The following SLC16A7 variants were observed in gnomAD, a reference collection of about 807,000 sequenced individuals.
SLC16A7 encodes the protein monocarboxylate transporter 2.
SLC16A7 carries 33 observed loss-of-function variants against 34.9 expected under a neutral mutation model. The ratio of observed to expected loss-of-function variants is 0.94; its 90% CI spans 0.72 to 1.26. The LOEUF is 1.26. SLC16A7 is among the 50% of genes most tolerant of loss of function. The pLI, the probability that SLC16A7 is intolerant of heterozygous loss-of-function variation, is 0.00. For missense variants in SLC16A7, 573 were observed against 578.1 expected (o/e 0.99, Z 0.09); for synonymous variants, 201 against 206.6 (o/e 0.97, Z 0.23).
intron 1 of SLC16A7, among the ~76,000 whole-genome samples, chr12:59,639,483 A>G (rs549006762): frequency 1.1e-3 from 161 of 152,242 alleles, no homozygotes; most frequent in African/African-American, 3.3e-3. Context: ...CTCCGGGCTC[A>G]AGCTATCCTC....
rs554805401 is a variant in SLC16A7 at position 59,781,868 on chromosome 12, C to T, written c.*2189C>T. ...TCAGATACCAGGGGGAAATAAATGG[C>T]AAAGTAATAATCATGAGGTTTTAGG... On this transcript the variant is annotated 3_prime_UTR_variant, in exon 6 of 6. Coordinates refer to ENST00000547379, the MANE Select transcript of SLC16A7 (RefSeq NM_001270623.2). 3.3e-5 allele frequency: 5 copies of T among 152,178 alleles called. No individual in the cohort carries two copies. Among genetic ancestry groups the T allele is most frequent in the African/African-American group, 1.2e-4 (5 of 41,538 alleles). The allele number at this position is 152,178 out of a possible 1,614,324, so 9.4% of individuals were successfully genotyped here.
At chr12:59,769,972 A>T (rs1401906441) in intron 3 of SLC16A7, among the ~76,000 whole-genome samples, 2 of 152,098 alleles carry the variant, frequency 1.3e-5, no homozygotes, top group Non-Finnish European at 2.9e-5. Context: ...CAAGTCCCAT[A>T]AAGTACTATG....
At chr12:59,690,454 A>C (rs895488515) in intron 2 of SLC16A7, among the ~76,000 whole-genome samples, 3 of 152,086 alleles carry the variant, frequency 2.0e-5, no homozygotes, top group African/African-American at 7.2e-5. Context: ...TGAGATACCC[A>C]GAAAAATGAG....
At chr12:59,597,973 C>T (rs1339313026) in intron 1 of SLC16A7, among the ~76,000 whole-genome samples, 1 of 152,184 alleles carries the variant, frequency 6.6e-6, no homozygotes, top group Non-Finnish European at 1.5e-5. Flanking sequence ...TATTTCTAGA[C>T]ATTCATTTGC....
intron 2 of SLC16A7, among the ~76,000 whole-genome samples, chr12:59,669,781 A>C (rs1869521806): frequency 1.3e-5 from 2 of 152,308 alleles, no homozygotes; most frequent in South Asian, 4.1e-4. Context: ...TCTCAGCAGC[A>C]CAGTTAACTT....
At chr12:59,716,483 AT>A (rs1874918681) in intron 3 of SLC16A7, among the ~76,000 whole-genome samples, 1 of 152,190 alleles carries the variant, frequency 6.6e-6, no homozygotes, top group Admixed American at 6.5e-5. Context: ...GCGATTTGGA[AT>A]TTCTTTTAAA....
In SLC16A7 at chr12:59,783,117, T is replaced by G. The variant is rs1045197112; in HGVS notation, c.*3438T>G. The G allele has an allele frequency of 2.0e-5, 3 of 152,160 alleles. No homozygotes were observed. The highest frequency in any genetic ancestry group is 4.8e-5 in the African/African-American group (2 of 41,444). The allele number at this position is 152,160 out of a possible 1,614,324, so 9.4% of individuals were successfully genotyped here. On this transcript the variant is annotated 3_prime_UTR_variant, in exon 6 of 6. Transcript: ENST00000547379. ...TGTAGATGACATAAATATGAAGAGA[T>G]ATTCTTGGTCAGTTGGTTGAAACAT...
intron 3 of SLC16A7, among the ~76,000 whole-genome samples, chr12:59,757,743 C>T (rs1182578666): frequency 6.6e-6 from 1 of 152,078 alleles, no homozygotes; most frequent in African/African-American, 2.4e-5. Context: ...TCCTCTTCCT[C>T]CTCCTCCTCA....
intron 3 of SLC16A7, among the ~76,000 whole-genome samples, chr12:59,762,938 G>A (rs1881174711): frequency 6.6e-6 from 1 of 151,678 alleles, no homozygotes; most frequent in Non-Finnish European, 1.5e-5. Flanking sequence ...TTATATTTTT[G>A]TTACATCTCT....
At chr12:59,762,822 C>CA (rs35275657) in intron 3 of SLC16A7, among the ~76,000 whole-genome samples, 25,402 of 128,368 alleles carry the variant, frequency 0.2, 2,234 homozygotes, top group Non-Finnish European at 0.23. Flanking sequence ...ACATCTTTCT[C>CA]AAAAAAAAAA....
At chr12:59,598,044 A>G (rs1250453647) in intron 1 of SLC16A7, among the ~76,000 whole-genome samples, 2 of 152,204 alleles carry the variant, frequency 1.3e-5, no homozygotes, top group African/African-American at 4.8e-5. Context: ...AAGGAGAGCA[A>G]CATTACCTAA....
intron 1 of SLC16A7, among the ~76,000 whole-genome samples, chr12:59,642,122 T>C: frequency 6.6e-6 from 1 of 152,058 alleles, no homozygotes; most frequent in Non-Finnish European, 1.5e-5. Context: ...GACAAAGTTT[T>C]TGAACTGCAT....
At chr12:59,766,639 G>A (rs973931525) in intron 3 of SLC16A7, among the ~76,000 whole-genome samples, 20 of 152,026 alleles carry the variant, frequency 1.3e-4, no homozygotes, top group African/African-American at 3.6e-4. Flanking sequence ...ACGTTTATTG[G>A]TTTTTGTATG....
chr12:59,727,816 T>C (rs924558273), intron 3 of SLC16A7, among the ~76,000 whole-genome samples: 3 of 151,742 alleles, frequency 2.0e-5, no homozygotes, highest in Admixed American at 6.6e-5. Context: ...GGGGGGGAGG[T>C]AGTGTCATAT....
Position 59,781,030 on chromosome 12 carries a change from C to G in SLC16A7, c.*1351C>G, listed in dbSNP as rs1024948652. 1 of 152,096 alleles carries G rather than the reference C, an allele frequency of 6.6e-6. No individual in the cohort carries two copies. Among genetic ancestry groups the G allele is most frequent in the Admixed American group, 6.6e-5 (1 of 15,248 alleles). 9.4% of individuals were successfully genotyped at this position (152,096 alleles called of 1,614,324 possible). On this transcript the variant is annotated 3_prime_UTR_variant, in exon 6 of 6. Coordinates refer to ENST00000547379, the MANE Select transcript of SLC16A7 (RefSeq NM_001270623.2). ...AGAAATAGAGGCACTGTATGACTTGCAATCGTAGGTATAGTTTATAACCTG... is the reference window on the plus strand; with the variant it reads ...AGAAATAGAGGCACTGTATGACTTGGAATCGTAGGTATAGTTTATAACCTG...
rs374956324 is a variant in SLC16A7 at position 59,620,218 on chromosome 12, G to T, written c.-130+23982G>T. Among the ~76,000 whole-genome samples, 70 of 151,936 alleles carry T rather than the reference G, an allele frequency of 4.6e-4. 6 individuals are homozygous for T. In the South Asian group the frequency reaches 7.3e-3, roughly 16 times the overall value. ...CCATTGTTCCCTGCCTATGAAAAAG[G>T]TTTGGATATTCATGTTATTCTGTTT... On this transcript the variant is annotated intron_variant, in intron 1 of 5. Transcript: ENST00000547379.
chr12:59,662,852 T>C (rs1313570586), intron 2 of SLC16A7, among the ~76,000 whole-genome samples: 1 of 152,168 alleles, frequency 6.6e-6, no homozygotes, highest in African/African-American at 2.4e-5. Flanking sequence ...AGGTGAATTT[T>C]AATTTTTTGT....
intron 1 of SLC16A7, among the ~76,000 whole-genome samples, chr12:59,612,514 C>T (rs547646569): frequency 3.0e-4 from 46 of 152,270 alleles, no homozygotes; most frequent in Admixed American, 1.2e-3. Context: ...ACATTTTCCC[C>T]ATTGTCTTGG....
chr12:59,609,504 G>A (rs1435493428), intron 1 of SLC16A7, among the ~76,000 whole-genome samples: 1 of 150,416 alleles, frequency 6.6e-6, no homozygotes, highest in Non-Finnish European at 1.5e-5. Flanking sequence ...TGAGAGATGT[G>A]GGTCGGGGGG....
Sources: allele counts gnomAD v4.1 joint callset (sites outside exome capture counted in the v4.1 genomes callset), GRCh38; gene constraint gnomAD v4.1.1; transcripts MANE v1.5; gene names NCBI Gene and HGNC (gene_info 2026-07-23, HGNC 2026-07-21).